The following DHRSX variants were observed in gnomAD, a reference collection of about 807,000 sequenced individuals.
DHRSX encodes the protein polyprenol dehydrogenase.
In DHRSX, 31 loss-of-function variants were observed where a neutral mutation model predicts 34.0. The observed-to-expected ratio is 0.91, with a 90% CI of 0.69 to 1.23. The LOEUF (loss-of-function observed/expected upper bound fraction) is 1.23, where lower values mean the gene tolerates loss of function less well. DHRSX is among the 50% of genes most tolerant of loss of function. The pLI is 0.00. For missense variants in DHRSX, 414 were observed against 428.1 expected (o/e 0.97, Z 0.29); for synonymous variants, 201 against 183.8 (o/e 1.09, Z -0.76).
chrX:2,304,293 G>GTGGA (rs1569485940), intron 3 of DHRSX, among the ~76,000 whole-genome samples: 4 of 94,840 alleles, frequency 4.2e-5, no homozygotes, highest in East Asian at 9.6e-4. Context: ...GGGTGGGTGG[G>GTGGA]TGGATGGATG....
At chrX:2,426,670 C>CA (rs1491161108) in intron 1 of DHRSX, among the ~76,000 whole-genome samples, 3 of 136,244 alleles carry the variant, frequency 2.2e-5, no homozygotes, top group African/African-American at 8.3e-5. Context: ...TCTTCTTTTC[C>CA]TTTTTCCTTC....
chrX:2,293,900 C>G (rs751636264), intron 3 of DHRSX, among the ~76,000 whole-genome samples: 1 of 151,970 alleles, frequency 6.6e-6, no homozygotes, highest in African/African-American at 2.4e-5. Flanking sequence ...GACAGACACA[C>G]CTTGCTTAAT....
intron 3 of DHRSX, among the ~76,000 whole-genome samples, chrX:2,387,885 G>A (rs1320861275): frequency 8.6e-6 from 1 of 116,742 alleles, no homozygotes; most frequent in Non-Finnish European, 1.7e-5. Context: ...TCCCTACTCT[G>A]AGCCTCCACC....
chrX:2,491,693 C>T (rs1232609716), intron 1 of DHRSX, among the ~76,000 whole-genome samples: 10 of 152,196 alleles, frequency 6.6e-5, no homozygotes, highest in South Asian at 2.1e-4. Flanking sequence ...CAGGTGCATC[C>T]GTGATCTGTA....
At chrX:2,471,305 G>A (rs1284417359) in intron 1 of DHRSX, among the ~76,000 whole-genome samples, 2 of 152,138 alleles carry the variant, frequency 1.3e-5, no homozygotes, top group African/African-American at 4.8e-5. Flanking sequence ...GCGCGGTCAC[G>A]CCTGTCATCC....
chrX:2,284,390 GTGAA>G (rs1207402801), intron 4 of DHRSX, among the ~76,000 whole-genome samples: 1 of 140,258 alleles, frequency 7.1e-6, no homozygotes, highest in Non-Finnish European at 1.6e-5. Flanking sequence ...ATTCATTCAA[GTGAA>G]TGAATGAATT....
rs774660668 is a variant in DHRSX at position 2,266,955 on chromosome X, A to G, written c.389-8T>C. The G allele has an allele frequency of 3.1e-6, 5 of 1,613,638 alleles. No individual in the cohort carries two copies. The African/African-American group carries it at 6.7e-5, about 22-fold the overall frequency. ...GGACCATCATCACCCCAGCTGGACA[A>G]AAGAGAATATCAGAAGGAGTTAGAC... is the stretch of plus-strand genomic sequence containing the variant. On this transcript the variant is annotated splice_region_variant and splice_polypyrimidine_tract_variant and intron_variant, in intron 4 of 6. Coordinates refer to ENST00000334651, the MANE Select transcript of DHRSX (RefSeq NM_145177.3).
intron 6 of DHRSX, among the ~76,000 whole-genome samples, chrX:2,240,825 C>A (rs1258412990): frequency 6.6e-6 from 1 of 151,954 alleles, no homozygotes; most frequent in Non-Finnish European, 1.5e-5. Flanking sequence ...CTTTAGTATC[C>A]CGACTTGAGA....
At chrX:2,412,641 C>T (rs1009347579) in intron 2 of DHRSX, among the ~76,000 whole-genome samples, 14 of 151,894 alleles carry the variant, frequency 9.2e-5, no homozygotes, top group African/African-American at 3.1e-4. Flanking sequence ...CCCCCATGTT[C>T]GTTGCAGCAT....
chrX:2,474,349 T>C (rs1478426370), intron 1 of DHRSX, among the ~76,000 whole-genome samples: 1 of 151,990 alleles, frequency 6.6e-6, no homozygotes, highest in African/African-American at 2.4e-5. Context: ...CTGAAGATGT[T>C]CCCTAAGAAT....
chrX:2,498,203 T>C (rs1195061638), intron 1 of DHRSX, among the ~76,000 whole-genome samples: 2 of 152,202 alleles, frequency 1.3e-5, no homozygotes, highest in Non-Finnish European at 2.9e-5. Context: ...CTTTGTACGA[T>C]ACCTAAGAAG....
chrX:2,399,910 A>C (rs1273136380), intron 3 of DHRSX, among the ~76,000 whole-genome samples: 1 of 151,770 alleles, frequency 6.6e-6, no homozygotes, highest in Non-Finnish European at 1.5e-5. Flanking sequence ...GTAGTGGTGC[A>C]TGCTACTAGT....
intron 3 of DHRSX, among the ~76,000 whole-genome samples, chrX:2,370,706 G>A (rs1234389903): frequency 6.6e-6 from 1 of 151,956 alleles, no homozygotes; most frequent in Non-Finnish European, 1.5e-5. Flanking sequence ...CTTCAGGGAT[G>A]GACTGAATTC....
chrX:2,485,336 A>C (rs2044861440), intron 1 of DHRSX, among the ~76,000 whole-genome samples: 1 of 152,006 alleles, frequency 6.6e-6, no homozygotes, highest in Non-Finnish European at 1.5e-5. Flanking sequence ...CAAAACGTGC[A>C]AGAAAGAGAA....
chrX:2,404,940 C>G (rs768482960), intron 3 of DHRSX, among the ~76,000 whole-genome samples: 11 of 152,332 alleles, frequency 7.2e-5, no homozygotes, highest in Admixed American at 5.2e-4. Flanking sequence ...GAGAAAAGAT[C>G]TGGCCAGGCT....
intron 1 of DHRSX, among the ~76,000 whole-genome samples, chrX:2,471,538 T>C (rs2044592681): frequency 6.7e-6 from 1 of 149,358 alleles, no homozygotes; most frequent in African/African-American, 2.5e-5. Flanking sequence ...CACTGCAGCC[T>C]GGGCAACAAG....
chrX:2,374,877 C>T (rs978402247), intron 3 of DHRSX, among the ~76,000 whole-genome samples: 2 of 137,652 alleles, frequency 1.5e-5, no homozygotes, highest in African/African-American at 4.9e-5. Context: ...TTCAAGACCA[C>T]CCAGGGCAAG....
intron 3 of DHRSX, among the ~76,000 whole-genome samples, chrX:2,386,524 T>G (rs2043274354): frequency 1.3e-5 from 2 of 152,182 alleles, no homozygotes; most frequent in African/African-American, 4.8e-5. Context: ...CAACCAGATA[T>G]TCAAGAATTC....
At chrX:2,450,581 G>A (rs1569502729) in intron 1 of DHRSX, among the ~76,000 whole-genome samples, 1 of 152,020 alleles carries the variant, frequency 6.6e-6, no homozygotes, top group Non-Finnish European at 1.5e-5. Flanking sequence ...AAGGAAAGGT[G>A]GGCTTTCCCA....
Sources: allele counts gnomAD v4.1 joint callset (sites outside exome capture counted in the v4.1 genomes callset), GRCh38; gene constraint gnomAD v4.1.1; transcripts MANE v1.5; gene names NCBI Gene and HGNC (gene_info 2026-07-23, HGNC 2026-07-21).